TRIP12: variants seen among roughly 807,000 people sequenced by gnomAD.
TRIP12 encodes E3 ubiquitin-protein ligase TRIP12.
In TRIP12, 25 loss-of-function variants were observed where a neutral mutation model predicts 244.2. That is an observed-to-expected ratio of 0.10 (90% CI 0.07 to 0.14). TRIP12 has a LOEUF of 0.14. Ranked by LOEUF, TRIP12 falls within the 10% of genes least tolerant of loss-of-function variation. The probability of loss-of-function intolerance (pLI) is 1.00; values close to 1 mark genes in which losing one functional copy is unlikely to be tolerated. For synonymous variants in TRIP12, 905 were observed against 873.1 expected, an observed-to-expected ratio of 1.04 and a Z score of -0.64; for missense variants, 1,677 against 2,486.4, an observed-to-expected ratio of 0.67 and a Z score of 6.92.
chr2:229,878,698 A>G lies in TRIP12; in HGVS notation c.98+1284T>C, dbSNP rs189381834. ...CGGGTTCACGCCATTCTCCTGCCTCAGCCTCCCGAGTAGCTGGGACTACAG... is the reference window on the plus strand; with the variant it reads ...CGGGTTCACGCCATTCTCCTGCCTCGGCCTCCCGAGTAGCTGGGACTACAG... On this transcript the variant is annotated intron_variant, in intron 2 of 41. Transcript: ENST00000675903. Among the ~76,000 whole-genome samples the G allele has an allele frequency of 3.0e-3, 444 of 150,370 alleles. 2 individuals carry two copies. The highest frequency in any genetic ancestry group is 0.01 in the African/African-American group (424 of 41,102).
chr2:229,843,056 CTCTCTCT>C (rs2056829193), intron 4 of TRIP12, among the ~76,000 whole-genome samples: 1 of 150,574 alleles, frequency 6.6e-6, no homozygotes, highest in South Asian at 2.1e-4. Context: ...CTCTTTCTCT[CTCTCTCT>C]CCCCCACTCC....
At chr2:229,887,543 G>T (rs1041307307) in intron 1 of TRIP12, among the ~76,000 whole-genome samples, 2 of 152,140 alleles carry the variant, frequency 1.3e-5, no homozygotes, top group Non-Finnish European at 2.9e-5. Flanking sequence ...ATGAGGATCT[G>T]TTAACAATGG....
chr2:229,838,923 C>T (rs935795048), intron 5 of TRIP12, among the ~76,000 whole-genome samples: 9 of 152,112 alleles, frequency 5.9e-5, no homozygotes, highest in African/African-American at 2.2e-4. Context: ...ATTGTAACAC[C>T]GCCAAGAGTA....
At chr2:229,824,127 A>T (rs933763758) in intron 8 of TRIP12, among the ~76,000 whole-genome samples, 1 of 152,222 alleles carries the variant, frequency 6.6e-6, no homozygotes, top group African/African-American at 2.4e-5. Flanking sequence ...AGTGTTAATA[A>T]ACTGTTGTAA....
At chr2:229,799,766 C>A (rs1575167802) in intron 21 of TRIP12, among the ~76,000 whole-genome samples, 1 of 148,156 alleles carries the variant, frequency 6.7e-6, no homozygotes, top group Non-Finnish European at 1.5e-5. Flanking sequence ...TAGTGAGACT[C>A]CATCTCAAAA....
At position 229,795,188 on chromosome 2, in the gene TRIP12, G is replaced by A. The variant is rs2042512118; in HGVS notation, c.3959C>T (p.Thr1320Ile). ...KVHDFPSGNG[T>I]GGSFSLNRGS... ...AGGCAATGGTCCTTACCTGCCTCCT[G>A]TCCCATTTCCACTAGGGAAATCATG... Residue 1320 changes from threonine (T) to isoleucine (I), a missense_variant, in exon 26 of 42, where the codon ACA becomes ATA. Thr to Ile is a moderately conservative substitution (Grantham distance 89). Around this residue, in one of 11 missense-constraint regions of TRIP12, gnomAD observed 265 missense variants for 370.8 expected, o/e 0.71. Transcript: ENST00000675903. The A allele has an allele frequency of 6.2e-7, 1 of 1,613,640 alleles. No homozygotes were observed. The highest frequency in any genetic ancestry group is 1.3e-5 in the African/African-American group (1 of 74,900).
chr2:229,913,857 T>C (rs184136301), intron 1 of TRIP12, among the ~76,000 whole-genome samples: 9 of 152,254 alleles, frequency 5.9e-5, no homozygotes, highest in East Asian at 1.9e-4. Flanking sequence ...CAACTAATTA[T>C]GTAAGACAGA....
intron 13 of TRIP12, 79 bp downstream of exon 13, chr2:229,813,791 A>G (rs1055752473): frequency 9.4e-7 from 1 of 1,064,104 alleles, no homozygotes; most frequent in Non-Finnish European, 1.2e-6. Context: ...TCTCAAAAAA[A>G]TAAAATAAAA....
intron 5 of TRIP12, among the ~76,000 whole-genome samples, chr2:229,839,545 G>A (rs937033315): frequency 1.3e-5 from 2 of 152,126 alleles, no homozygotes; most frequent in Non-Finnish European, 2.9e-5. Flanking sequence ...TGGGCATGGT[G>A]GCGGGCGCCT....
intron 40 of TRIP12, 133 bp downstream of exon 40, chr2:229,769,097 TA>T: frequency 2.9e-6 from 2 of 689,294 alleles, no homozygotes; most frequent in Non-Finnish European, 4.7e-6. Flanking sequence ...AAGCATCCAT[TA>T]ACAGGTAGAC....
chr2:229,919,557 T>G (rs1380098557), intron 1 of TRIP12, among the ~76,000 whole-genome samples: 1 of 152,132 alleles, frequency 6.6e-6, no homozygotes, highest in Non-Finnish European at 1.5e-5. Context: ...TACTTTAGTT[T>G]AGCACCTTCT....
In TRIP12 at chr2:229,789,656, T is replaced by C; in HGVS notation, c.4650A>G (p.Leu1550=). 6.2e-7 allele frequency: 1 copy of C among 1,614,064 alleles called. No homozygotes were observed. The highest frequency in any genetic ancestry group is 8.5e-7 in the Non-Finnish European group (1 of 1,179,970). ...EDPSLDVILL[L]RVLHAISRYW... ...ATCGACTGATAGCATGTAAAACTCT[T>C]AAAAGAAGGATCACATCTAATGACG... The change falls in exon 31 of 42, where the codon TTA becomes TTG. Residue 1550 remains leucine (L), a synonymous_variant. Transcript: ENST00000675903.
At chr2:229,851,892 G>A (rs1054291783) in intron 4 of TRIP12, among the ~76,000 whole-genome samples, 21 of 152,262 alleles carry the variant, frequency 1.4e-4, no homozygotes, top group Middle Eastern at 3.4e-3. Flanking sequence ...GAGGGTCCGC[G>A]GCTTCATTCT....
chr2:229,859,434 T>C lies in TRIP12; in HGVS notation c.365A>G (p.Tyr122Cys), dbSNP rs769100717. ...AGAGCTAGGAGAATTGGTCCTGTTG[T>C]AGTCTGGACTAGCACTGCGCTTCAC... is the stretch of plus-strand genomic sequence containing the variant. ...RGVKRSASPD[Y>C]NRTNSPSSAK... Residue 122 changes from tyrosine (Y) to cysteine (C), a missense_variant, in exon 4 of 42, where the codon TAC becomes TGC. Physicochemically the swap from Tyr to Cys is radical, Grantham distance 194. Around this residue, in one of 11 missense-constraint regions of TRIP12, gnomAD observed 387 missense variants for 392.6 expected, o/e 0.99. Transcript: ENST00000675903. 2 of 1,614,216 alleles carry C rather than the reference T, an allele frequency of 1.2e-6. No individual in the cohort carries two copies. Among genetic ancestry groups the C allele is most frequent in the African/African-American group, 1.3e-5 (1 of 75,054 alleles).
At chr2:229,850,436 T>C (rs1057237693) in intron 4 of TRIP12, among the ~76,000 whole-genome samples, 2 of 152,210 alleles carry the variant, frequency 1.3e-5, no homozygotes, top group Non-Finnish European at 2.9e-5. Flanking sequence ...ACTCAACCCA[T>C]TTCCTTTTAA....
intron 4 of TRIP12, among the ~76,000 whole-genome samples, chr2:229,845,267 G>T (rs1575867365): frequency 6.6e-6 from 1 of 152,204 alleles, no homozygotes; most frequent in Admixed American, 6.5e-5. Flanking sequence ...ATTTAATTTT[G>T]GTTGAATATC....
At chr2:229,834,086 A>G (rs1379247927) in intron 6 of TRIP12, among the ~76,000 whole-genome samples, 5 of 152,256 alleles carry the variant, frequency 3.3e-5, no homozygotes, top group Admixed American at 6.5e-5. Flanking sequence ...ATAAAATCCA[A>G]TGCCAGATTT....
chr2:229,829,263 G>A lies in TRIP12; in HGVS notation c.1380C>T (p.Pro460=). 4 of 1,613,546 alleles carry A rather than the reference G, an allele frequency of 2.5e-6. No individual in the cohort carries two copies. The highest frequency in any genetic ancestry group is 2.2e-5 in the South Asian group (2 of 90,928). ...LQALLEARGL[P]PHLFGPLGPR... ...GACCAAGAGGACCAAATAGGTGAGG[G>A]GGAAGACCCCTTGCCTCTAACAAAG... The change falls in exon 8 of 42, where the codon CCC becomes CCT. Residue 460 remains proline, a synonymous_variant. Transcript: ENST00000675903.
At chr2:229,827,659 C>T (rs546562832) in intron 8 of TRIP12, among the ~76,000 whole-genome samples, 15 of 152,218 alleles carry the variant, frequency 9.9e-5, no homozygotes, top group African/African-American at 3.1e-4. Context: ...GACAACAATG[C>T]CTTCTTCTGG....
Sources: allele counts gnomAD v4.1 joint callset (sites outside exome capture counted in the v4.1 genomes callset), GRCh38; gene constraint gnomAD v4.1.1; regional missense constraint gnomAD v4.1.1; transcripts MANE v1.5; gene names NCBI Gene and HGNC (gene_info 2026-07-23, HGNC 2026-07-21).